The following ERG variants were observed in gnomAD, a reference collection of about 807,000 sequenced individuals.
The protein encoded by ERG is ETS transcription factor ERG.
Under a neutral mutation model 55.3 loss-of-function variants are expected in ERG, and 9 were observed. The ratio of observed to expected loss-of-function variants is 0.16; its 90% CI spans 0.10 to 0.28. The LOEUF (loss-of-function observed/expected upper bound fraction) is 0.28. Among genes scored for constraint, ERG ranks in the 10% least tolerant of loss-of-function variants. The probability of loss-of-function intolerance (pLI) is 1.00; values close to 1 mark genes in which losing one functional copy is unlikely to be tolerated. For missense variants in ERG, 434 were observed against 631.6 expected, an observed-to-expected ratio of 0.69 and a Z score of 3.35; for synonymous variants, 223 against 237.3, an observed-to-expected ratio of 0.94 and a Z score of 0.55.
chr21:38,546,681 A>G (rs1034806901), intron 2 of ERG, among the ~76,000 whole-genome samples: 1 of 152,200 alleles, frequency 6.6e-6, no homozygotes, highest in South Asian at 2.1e-4. Context: ...TAGCGCTAAG[A>G]AACAACCTGG....
intron 2 of ERG, among the ~76,000 whole-genome samples, chr21:38,566,825 A>G (rs904270598): frequency 8.5e-5 from 13 of 152,360 alleles, no homozygotes; most frequent in Middle Eastern, 3.4e-3. Flanking sequence ...AGGTGCTTGA[A>G]CTGCAGCATC....
intron 2 of ERG, among the ~76,000 whole-genome samples, chr21:38,534,125 T>C (rs1278775943): frequency 1.3e-5 from 2 of 152,198 alleles, no homozygotes; most frequent in African/African-American, 4.8e-5. Flanking sequence ...GGACAGCTCC[T>C]TGACTCAAGT....
chr21:38,555,521 A>T (rs559688830), intron 2 of ERG, among the ~76,000 whole-genome samples: 1 of 152,080 alleles, frequency 6.6e-6, no homozygotes, highest in East Asian at 1.9e-4. Flanking sequence ...CCTTAACATA[A>T]AGGATGTAAC....
downstream of ERG, among the ~76,000 whole-genome samples, chr21:38,378,468 C>A (rs913404116): frequency 6.6e-6 from 1 of 152,212 alleles, no homozygotes; most frequent in African/African-American, 2.4e-5. Flanking sequence ...TGTTACCTTT[C>A]TGGATGTTCA....
chr21:38,495,751 G>A (rs776196001), intron 1 of ERG, among the ~76,000 whole-genome samples: 1 of 152,146 alleles, frequency 6.6e-6, no homozygotes. Context: ...AAGGAATCAG[G>A]AAAGTCTTTG....
intron 2 of ERG, among the ~76,000 whole-genome samples, chr21:38,540,107 G>A (rs1428682901): frequency 6.6e-6 from 1 of 151,920 alleles, no homozygotes; most frequent in Non-Finnish European, 1.5e-5. Flanking sequence ...TGTTGGCCAG[G>A]CTGGTCTCAA....
intron 1 of ERG, among the ~76,000 whole-genome samples, chr21:38,458,333 A>T (rs1305211934): frequency 1.3e-5 from 2 of 151,080 alleles, no homozygotes; most frequent in African/African-American, 4.9e-5. Context: ...CCGAGGCTGG[A>T]GAATAGCTTG....
downstream of ERG, among the ~76,000 whole-genome samples, chr21:38,375,489 TA>T (rs1347247485): frequency 6.6e-6 from 1 of 152,228 alleles, no homozygotes; most frequent in African/African-American, 2.4e-5. Context: ...GCTTGTTAAG[TA>T]AATGAGAGCA....
At chr21:38,601,956 A>ACTGCAACCTCCACCTCC (rs1182894823) in intron 1 of ERG, among the ~76,000 whole-genome samples, 43 of 152,144 alleles carry the variant, frequency 2.8e-4, no homozygotes, top group African/African-American at 9.9e-4. Context: ...ATCTCAGCTC[A>ACTGCAACCTCCACCTCC]CTGCAACCTC....
intron 2 of ERG, among the ~76,000 whole-genome samples, chr21:38,428,621 C>A (rs1301044476): frequency 1.3e-5 from 2 of 152,172 alleles, no homozygotes; most frequent in Non-Finnish European, 2.9e-5. Flanking sequence ...GTCAGGGAGT[C>A]CCTGATGCCT....
rs962660329 is a variant in ERG, at chr21:38,639,950, C to T, written c.-150+21708G>A. Among the ~76,000 whole-genome samples the T allele has an allele frequency of 3.9e-5, 6 of 152,120 alleles. No homozygotes were observed. The East Asian group carries it at 5.8e-4, about 15-fold the overall frequency. ...CAGGACAGCCACGCCTGGAAACAGC[C>T]GGTTCCATCTGTGAGCACAGGGCTC... On this transcript the variant is annotated intron_variant, in intron 1 of 10. Transcript: ENST00000398910.
chr21:38,609,493 T>G (rs2060213813), intron 1 of ERG, among the ~76,000 whole-genome samples: 1 of 151,926 alleles, frequency 6.6e-6, no homozygotes, highest in Non-Finnish European at 1.5e-5. Flanking sequence ...TAAAAACAAT[T>G]ATGAGGCAAT....
At chr21:38,579,663 C>T (rs1417196491) in intron 1 of ERG, among the ~76,000 whole-genome samples, 1 of 152,180 alleles carries the variant, frequency 6.6e-6, no homozygotes, top group African/African-American at 2.4e-5. Context: ...CACACCGCCA[C>T]CACCAGAGTG....
rs969431401 is a variant in ERG, at chr21:38,540,647, C to T, written c.-41+35015G>A. 3.9e-5 allele frequency among the ~76,000 whole-genome samples: 6 copies of T among 152,188 alleles called. No homozygotes were observed. The East Asian group carries it at 9.6e-4, about 24-fold the overall frequency. ...CTCAGGCATAGGCCCGATCACTCAT[C>T]ATATATTGACAGATGTGCAGGCCTG... On this transcript the variant is annotated intron_variant, in intron 2 of 8. Coordinates refer to the ERG transcript ENST00000398897.
At chr21:38,368,992 A>G in the ERG span, among the ~76,000 whole-genome samples, 3 of 152,208 alleles carry the variant, frequency 2.0e-5, no homozygotes, top group Non-Finnish European at 4.4e-5. Flanking sequence ...TACATGTACC[A>G]TATTTTCTTT....
intron 8 of ERG, 137 bp downstream of exon 8, chr21:38,391,522 G>C: frequency 1.5e-6 from 1 of 682,042 alleles, no homozygotes; most frequent in Non-Finnish European, 2.5e-6. Flanking sequence ...GATGACTTGG[G>C]CCCTATCTTA....
chr21:38,515,583 T>C (rs1464250203), intron 2 of ERG, among the ~76,000 whole-genome samples: 2 of 152,050 alleles, frequency 1.3e-5, no homozygotes, highest in East Asian at 1.9e-4. Flanking sequence ...GAGGCCAACA[T>C]TACCCTCATA....
intron 1 of ERG, among the ~76,000 whole-genome samples, chr21:38,633,093 G>C (rs1405410479): frequency 1.3e-5 from 2 of 152,120 alleles, no homozygotes; most frequent in East Asian, 3.9e-4. Context: ...AATGAACCTT[G>C]AGGACATTAA....
intron 2 of ERG, among the ~76,000 whole-genome samples, chr21:38,572,192 T>TAAA (rs11406884): frequency 0.037 from 4,793 of 130,494 alleles, 217 homozygotes; most frequent in East Asian, 0.11. Flanking sequence ...CCGTCTCTAC[T>TAAA]AAAAAAAAAA....
Sources: allele counts gnomAD v4.1 joint callset (sites outside exome capture counted in the v4.1 genomes callset), GRCh38; gene constraint gnomAD v4.1.1; transcripts MANE v1.5; gene names NCBI Gene and HGNC (gene_info 2026-07-23, HGNC 2026-07-21).